The following TRAPPC9 variants were observed in gnomAD, a reference collection of about 807,000 sequenced individuals.
TRAPPC9 encodes the protein trafficking protein particle complex subunit 9, also known as IKK2 binding protein.
In TRAPPC9, 83 loss-of-function variants were observed where a neutral mutation model predicts 124.0. The observed-to-expected ratio is 0.67, with a 90% CI of 0.56 to 0.80. TRAPPC9 has a LOEUF of 0.80. Among genes scored for constraint, TRAPPC9 ranks in the 30% least tolerant of loss-of-function variants. The pLI is 0.00. For missense variants in TRAPPC9, 1,302 were observed against 1,508.3 expected (o/e 0.86, Z 2.27); for synonymous variants, 638 against 617.5 (o/e 1.03, Z -0.49).
intron 19 of TRAPPC9, among the ~76,000 whole-genome samples, chr8:139,945,543 C>CAAAAAAAAAAAAAAAA (rs61528944): frequency 6.0e-5 from 4 of 66,170 alleles, no homozygotes; most frequent in Non-Finnish European, 7.4e-5. Context: ...GCACAATTAG[C>CAAAAAAAAAAAAAAAA]AAAAAAAAAA....
intron 18 of TRAPPC9, among the ~76,000 whole-genome samples, chr8:140,003,247 A>G (rs898481289): frequency 6.6e-6 from 1 of 152,196 alleles, no homozygotes; most frequent in African/African-American, 2.4e-5. Context: ...AAATAAGCAC[A>G]TGAAGAAAGG....
At chr8:140,109,140 C>CA (rs1197615405) in intron 17 of TRAPPC9, among the ~76,000 whole-genome samples, 2 of 152,116 alleles carry the variant, frequency 1.3e-5, no homozygotes, top group Non-Finnish European at 2.9e-5. Context: ...GCCTCACAAG[C>CA]AAAGGGAAGG....
chr8:140,212,545 G>C (rs967780088), intron 17 of TRAPPC9, among the ~76,000 whole-genome samples: 2 of 151,968 alleles, frequency 1.3e-5, no homozygotes, highest in African/African-American at 4.8e-5. Flanking sequence ...TAGTGCTTTG[G>C]GTTGTACTCT....
chr8:140,266,719 G>A (rs920815904), intron 15 of TRAPPC9, among the ~76,000 whole-genome samples: 3 of 151,560 alleles, frequency 2.0e-5, no homozygotes, highest in Admixed American at 6.6e-5. Flanking sequence ...CATTAGCCGG[G>A]CGTGGTGGTG....
At chr8:140,165,495 C>T (rs986934267) in intron 17 of TRAPPC9, among the ~76,000 whole-genome samples, 4 of 150,004 alleles carry the variant, frequency 2.7e-5, no homozygotes, top group Non-Finnish European at 4.4e-5. Flanking sequence ...GCTGAGATCA[C>T]GCCACTGCAC....
intron 18 of TRAPPC9, among the ~76,000 whole-genome samples, chr8:140,018,362 C>T (rs1587504995): frequency 9.4e-6 from 1 of 106,338 alleles, no homozygotes; most frequent in Non-Finnish European, 1.8e-5. Context: ...CTCACTCTGT[C>T]ACCCAGGCTG....
chr8:139,764,076 G>T (rs1485396925), intron 21 of TRAPPC9, among the ~76,000 whole-genome samples: 2 of 152,196 alleles, frequency 1.3e-5, no homozygotes, highest in African/African-American at 4.8e-5. Flanking sequence ...AAGGGCCTTG[G>T]GAGGAGGGAG....
At chr8:140,021,985 C>T (rs1839859547) in intron 18 of TRAPPC9, among the ~76,000 whole-genome samples, 1 of 152,218 alleles carries the variant, frequency 6.6e-6, no homozygotes, top group South Asian at 2.1e-4. Context: ...GCAAAGCGCC[C>T]TTTACACGAA....
At chr8:140,344,096 G>A (rs556000313) in intron 9 of TRAPPC9, among the ~76,000 whole-genome samples, 3 of 152,230 alleles carry the variant, frequency 2.0e-5, no homozygotes, top group South Asian at 2.1e-4. Flanking sequence ...CTTTGTGGGG[G>A]CGATCAGGGC....
intron 2 of TRAPPC9, among the ~76,000 whole-genome samples, chr8:140,448,395 C>A (rs12681305): frequency 0.56 from 84,715 of 152,038 alleles, 23,771 homozygotes; most frequent in Non-Finnish European, 0.57. Flanking sequence ...CTTGTCAGTC[C>A]TTATCCACTA....
chr8:139,874,327 T>C (rs1829183817), intron 21 of TRAPPC9, among the ~76,000 whole-genome samples: 1 of 152,238 alleles, frequency 6.6e-6, no homozygotes, highest in African/African-American at 2.4e-5. Context: ...ATTCACTCTT[T>C]GATGGAGTCA....
chr8:140,325,459 C>T (rs879544017), intron 9 of TRAPPC9, among the ~76,000 whole-genome samples: 1 of 152,150 alleles, frequency 6.6e-6, no homozygotes, highest in Non-Finnish European at 1.5e-5. Context: ...GAGGCAGATC[C>T]TACGCTCATT....
In TRAPPC9 at chr8:140,254,170, A is replaced by G. The variant is rs577576113; in HGVS notation, c.2279-1241T>C. ...TGGGAGGGCCCCAAACGGCCTCACC[A>G]CAAGTCCCCTCCTGACTCTGCTCCT... On this transcript the variant is annotated intron_variant, in intron 15 of 22. Coordinates refer to ENST00000438773, the MANE Select transcript of TRAPPC9 (RefSeq NM_001160372.4). Among the ~76,000 whole-genome samples, 11 of 152,334 alleles carry G rather than the reference A, an allele frequency of 7.2e-5. No homozygotes were observed. In the East Asian group the frequency reaches 7.7e-4, roughly 11 times the overall value.
chr8:140,348,047 G>A (rs925900579), intron 9 of TRAPPC9, among the ~76,000 whole-genome samples: 6 of 152,224 alleles, frequency 3.9e-5, no homozygotes, highest in Admixed American at 6.5e-5. Flanking sequence ...GCTCTAAGAA[G>A]GGCATTCACT....
intron 17 of TRAPPC9, among the ~76,000 whole-genome samples, chr8:140,166,950 C>T (rs537508389): frequency 2.4e-4 from 37 of 152,258 alleles, no homozygotes; most frequent in South Asian, 1.2e-3. Flanking sequence ...AACTTGTCCT[C>T]CACCTCCCAG....
At chr8:139,841,995 C>T (rs1444278750) in intron 21 of TRAPPC9, among the ~76,000 whole-genome samples, 1 of 152,204 alleles carries the variant, frequency 6.6e-6, no homozygotes, top group Non-Finnish European at 1.5e-5. Flanking sequence ...ATGGGAGAGC[C>T]CAGACCGCTT....
chr8:139,881,968 G>T (rs372112371), intron 21 of TRAPPC9, among the ~76,000 whole-genome samples: 1 of 152,212 alleles, frequency 6.6e-6, no homozygotes, highest in African/African-American at 2.4e-5. Flanking sequence ...ATGGATGCCA[G>T]GAAGGGGGTC....
chr8:139,981,208 C>A (rs1318978029), intron 19 of TRAPPC9, among the ~76,000 whole-genome samples: 1 of 152,164 alleles, frequency 6.6e-6, no homozygotes, highest in Non-Finnish European at 1.5e-5. Flanking sequence ...ATTAGTGGGG[C>A]CAGTGGGGGT....
intron 21 of TRAPPC9, among the ~76,000 whole-genome samples, chr8:139,804,700 A>C (rs1586883120): frequency 3.4e-5 from 3 of 87,206 alleles, no homozygotes; most frequent in Admixed American, 1.3e-4. Context: ...ACCACCACCC[A>C]CCACCACCAC....
Sources: gnomAD v4.1 joint callset for allele counts (sites outside exome capture counted in the v4.1 genomes callset) on GRCh38, gnomAD v4.1.1 for gene constraint, MANE v1.5 for transcripts, NCBI Gene and HGNC (gene_info 2026-07-23, HGNC 2026-07-21) for gene names.